The following NOL10 variants were observed in gnomAD, a reference collection of about 807,000 sequenced individuals.
NOL10 encodes nucleolar protein 10, also known as H_NH0074G24.1.
A neutral mutation model predicts 103.5 loss-of-function variants in NOL10; 58 were observed. That is an observed-to-expected ratio of 0.56 (90% CI 0.45 to 0.70). The LOEUF (loss-of-function observed/expected upper bound fraction) is 0.70, where lower values mean the gene tolerates loss of function less well. Ranked by LOEUF, NOL10 falls within the 30% of genes least tolerant of loss-of-function variation. The probability of loss-of-function intolerance (pLI) is 0.00; values close to 1 mark genes in which losing one functional copy is unlikely to be tolerated. For synonymous variants in NOL10, 287 were observed against 282.5 expected (o/e 1.02, Z -0.16); for missense variants, 763 against 807.3 (o/e 0.95, Z 0.67).
At chr2:10,638,908 T>C (rs1457087250) in intron 13 of NOL10, among the ~76,000 whole-genome samples, 1 of 149,034 alleles carries the variant, frequency 6.7e-6, no homozygotes, top group African/African-American at 2.5e-5. Flanking sequence ...GTTCAAGCGA[T>C]TCTCCTGCCT....
chr2:10,618,176 T>C (rs374783668), intron 13 of NOL10, among the ~76,000 whole-genome samples: 7 of 152,056 alleles, frequency 4.6e-5, no homozygotes, highest in Admixed American at 3.9e-4. Context: ...AGAGCCTGGC[T>C]TAGGACTATA....
intron 4 of NOL10, 87 bp from the exon 5 acceptor site, chr2:10,673,644 A>C: frequency 1.1e-6 from 1 of 909,374 alleles, no homozygotes; most frequent in East Asian, 2.7e-5. Context: ...CTAATTCAAC[A>C]CAGAAATTAT....
intron 3 of NOL10, among the ~76,000 whole-genome samples, chr2:10,676,536 T>C (rs1416899363): frequency 6.6e-6 from 1 of 152,042 alleles, no homozygotes; most frequent in Non-Finnish European, 1.5e-5. Flanking sequence ...CAAAACGTAC[T>C]ATAAAGTAAA....
At chr2:10,617,867 C>T (rs145120339) in intron 13 of NOL10, among the ~76,000 whole-genome samples, 8 of 152,170 alleles carry the variant, frequency 5.3e-5, no homozygotes, top group Admixed American at 3.3e-4. Flanking sequence ...GTACTGTACA[C>T]GAATGTCCAG....
intron 13 of NOL10, among the ~76,000 whole-genome samples, chr2:10,622,446 T>C (rs1447844988): frequency 1.3e-5 from 2 of 148,790 alleles, no homozygotes; most frequent in East Asian, 2.0e-4. Context: ...TGGTTATGTA[T>C]TGTTACAAGG....
At chr2:10,645,460 T>G (rs1257206625) in intron 12 of NOL10, among the ~76,000 whole-genome samples, 1 of 152,174 alleles carries the variant, frequency 6.6e-6, no homozygotes, top group Non-Finnish European at 1.5e-5. Flanking sequence ...GTGATGATAT[T>G]TGACTCTATT....
At chr2:10,583,050 C>T (rs1263147597) in intron 19 of NOL10, among the ~76,000 whole-genome samples, 1 of 152,222 alleles carries the variant, frequency 6.6e-6, no homozygotes, top group East Asian at 1.9e-4. Flanking sequence ...GCCTTCATTC[C>T]TGGGCCTCTC....
chr2:10,687,275 G>A (rs1341332813), intron 1 of NOL10, among the ~76,000 whole-genome samples: 1 of 152,252 alleles, frequency 6.6e-6, no homozygotes, highest in East Asian at 1.9e-4. Flanking sequence ...GGTCAAGGGC[G>A]CTCTGCATCA....
intron 12 of NOL10, among the ~76,000 whole-genome samples, chr2:10,648,613 C>A (rs1679246301): frequency 6.6e-6 from 1 of 152,112 alleles, no homozygotes; most frequent in Non-Finnish European, 1.5e-5. Flanking sequence ...ATGGGATCAA[C>A]CTTACCCCTC....
chr2:10,655,218 GAAAGAAAGGAAGA>G (rs1015049895), intron 11 of NOL10, among the ~76,000 whole-genome samples: 3 of 138,382 alleles, frequency 2.2e-5, no homozygotes, highest in East Asian at 2.1e-4. Context: ...AAAAAAAAAA[GAAAGAAAGGAAGA>G]AAAGAAAGGA....
intron 2 of NOL10, among the ~76,000 whole-genome samples, chr2:10,684,322 T>TGTAA (rs943343880): frequency 2.0e-5 from 3 of 149,904 alleles, no homozygotes; most frequent in African/African-American, 7.3e-5. Context: ...GGCTCATGCC[T>TGTAA]GTAATCCCAA....
intron 13 of NOL10, among the ~76,000 whole-genome samples, chr2:10,631,197 T>C (rs1465272421): frequency 6.6e-6 from 1 of 152,224 alleles, no homozygotes; most frequent in African/African-American, 2.4e-5. Flanking sequence ...TTCTCCAGAA[T>C]ATCAATTTAG....
rs185884808 is a variant in NOL10, at chr2:10,570,779, A to G, written c.*1292T>C. 1.1e-4 allele frequency: 16 copies of G among 152,110 alleles called. No homozygotes were observed. The highest frequency in any genetic ancestry group is 3.9e-4 in the Admixed American group (6 of 15,268). 9.4% of individuals were successfully genotyped at this position (152,110 alleles called of 1,614,324 possible). On this transcript the variant is annotated 3_prime_UTR_variant, in exon 21 of 21. Transcript: ENST00000381685. ...TCAAAGAAGCTATTCAAATGAAAGT[A>G]TATTTATTTTTATAAATGTTTCCTC... is the stretch of plus-strand genomic sequence containing the variant.
chr2:10,617,491 A>C (rs778443852), intron 13 of NOL10, among the ~76,000 whole-genome samples: 3 of 152,232 alleles, frequency 2.0e-5, no homozygotes, highest in Admixed American at 1.3e-4. Flanking sequence ...CTAAACAAAC[A>C]ACCACAAACC....
At chr2:10,630,438 C>A (rs1342222801) in intron 13 of NOL10, among the ~76,000 whole-genome samples, 1 of 152,124 alleles carries the variant, frequency 6.6e-6, no homozygotes, top group East Asian at 1.9e-4. Flanking sequence ...TGCAGCTGGG[C>A]GCGATGGCTC....
Position 10,681,984 on chromosome 2 carries a change from G to T in NOL10, c.198C>A (p.Tyr66Ter). Residue 66 changes from tyrosine (Y) to a stop codon, truncating the protein, a stop_gained, in exon 3 of 21, where the codon TAC (tyrosine) becomes TAA (stop). Coordinates refer to ENST00000381685, the MANE Select transcript of NOL10 (RefSeq NM_024894.4). LOFTEE classifies it high-confidence loss of function. ...TTIKVSKDGQ[Y>*]ILATGTYKPR... ...AAAGATGCTTACCAGTTGCTAAAAT[G>T]TACTGTCCATCTTTTGACACCTTAA... 6.9e-7 allele frequency: 1 copy of T among 1,450,958 alleles called. No individual in the cohort carries two copies. The highest frequency in any genetic ancestry group is 9.2e-7 in the Non-Finnish European group (1 of 1,087,430). The allele number at this position is 1,450,958 out of a possible 1,614,324, so 89.9% of individuals were successfully genotyped here.
In NOL10 at chr2:10,654,538, A is replaced by G. The variant is rs1409375092; in HGVS notation, c.916T>C (p.Phe306Leu). The G allele has an allele frequency of 1.9e-6, 3 of 1,593,518 alleles. No individual in the cohort carries two copies. The highest frequency in any genetic ancestry group is 2.6e-6 in the Non-Finnish European group (3 of 1,174,120). ...KMWNKNSGKIFTSLEPEHDLN... is the reference protein window; with the variant it reads ...KMWNKNSGKILTSLEPEHDLN... ...TCATGCTCTGGCTCCAAGGAAGTAA[A>G]TATTTTTCCCTAAAAATAGCAAGCA... The change falls in exon 12 of 21, where the codon TTT (phenylalanine) becomes CTT (leucine). Residue 306 changes from phenylalanine (F) to leucine (L), a missense_variant. Physicochemically the swap from Phe to Leu is conservative, Grantham distance 22 (BLOSUM62 0). Coordinates refer to ENST00000381685, the MANE Select transcript of NOL10 (RefSeq NM_024894.4).
rs141608060 is a variant in NOL10 at position 10,621,660 on chromosome 2, A to T, written c.1027-14349T>A. On this transcript the variant is annotated intron_variant, in intron 13 of 20. Coordinates refer to ENST00000381685, the MANE Select transcript of NOL10 (RefSeq NM_024894.4). ...ACCAAGACAAAAGGAGATGCACAGT[A>T]AGGTCGACAGATACCCTTTACTTGC... 3.7e-3 allele frequency among the ~76,000 whole-genome samples: 559 copies of T among 152,292 alleles called. 2 individuals are homozygous for T. The highest frequency in any genetic ancestry group is 5.1e-3 in the Non-Finnish European group (344 of 68,024).
intron 12 of NOL10, among the ~76,000 whole-genome samples, chr2:10,644,708 A>G (rs530755982): frequency 6.6e-6 from 1 of 152,354 alleles, no homozygotes; most frequent in South Asian, 2.1e-4. Context: ...ACAGGGAATT[A>G]TAACAGACTG....
Sources: gnomAD v4.1 joint callset for allele counts (sites outside exome capture counted in the v4.1 genomes callset) on GRCh38, gnomAD v4.1.1 for gene constraint, MANE v1.5 for transcripts, NCBI Gene and HGNC (gene_info 2026-07-23, HGNC 2026-07-21) for gene names.